Variants in DSC1 observed in about 807,000 individuals in gnomAD.
DSC1 encodes desmocollin-1.
In DSC1, 79 loss-of-function variants were observed where a neutral mutation model predicts 98.8. That is an observed-to-expected ratio of 0.80 (90% confidence interval 0.67 to 0.96). DSC1 has a LOEUF of 0.96. DSC1 is among the 50% of genes least tolerant of loss of function. The probability of loss-of-function intolerance (pLI) is 0.00; values close to 1 mark genes in which losing one functional copy is unlikely to be tolerated. For missense variants in DSC1, 1,115 were observed against 1,075.9 expected (o/e 1.04, Z -0.51); for synonymous variants, 405 against 372.1 (o/e 1.09, Z -1.02).
intron 7 of DSC1, among the ~76,000 whole-genome samples, chr18:31,144,563 A>T (rs1370842768): frequency 6.6e-6 from 1 of 152,234 alleles, no homozygotes; most frequent in Non-Finnish European, 1.5e-5. Context: ...GGCAAAATAT[A>T]GAGACAGTAA....
chr18:31,133,859 A>G, intron 13 of DSC1, 32 bp downstream of exon 13: 1 of 1,561,898 alleles, frequency 6.4e-7, no homozygotes, highest in Middle Eastern at 1.7e-4. Flanking sequence ...TTTAGCTAAC[A>G]CATTCTAGAT....
chr18:31,162,232 C>T (rs2143940732), intron 1 of DSC1, among the ~76,000 whole-genome samples: 1 of 152,186 alleles, frequency 6.6e-6, no homozygotes, highest in East Asian at 1.9e-4. Context: ...GGGCCAAATG[C>T]CTAAAGAATG....
Position 31,146,120 on chromosome 18 carries a change from A to G in DSC1, c.773-343T>C, listed in dbSNP as rs189703589. On this transcript the variant is annotated intron_variant, in intron 6 of 15. Coordinates refer to ENST00000257198, the MANE Select transcript of DSC1 (RefSeq NM_024421.2). ...TTTAATTTTAGATTTGGGGGTACACATGCGGGTTTGTTACAGGGGTATATT... is the reference window on the plus strand; with the variant it reads ...TTTAATTTTAGATTTGGGGGTACACGTGCGGGTTTGTTACAGGGGTATATT... Among the ~76,000 whole-genome samples, 10 of 152,262 alleles carry G rather than the reference A, an allele frequency of 6.6e-5. No individual in the cohort carries two copies. The East Asian group carries it at 1.7e-3, about 26-fold the overall frequency.
rs77266561 is a variant in DSC1, at chr18:31,161,606, G to A, written c.63+926C>T. 7.8e-3 allele frequency among the ~76,000 whole-genome samples: 1,183 copies of A among 152,172 alleles called. 15 individuals are homozygous for A. Among genetic ancestry groups the A allele is most frequent in the African/African-American group, 0.027 (1,128 of 41,496 alleles). Reference sequence around the variant, plus strand: ...TTTCAGAGTCAGAAATAAATAAACAGGAGATGAATTGTCCAAGAGATATTA... The same window carrying A: ...TTTCAGAGTCAGAAATAAATAAACAAGAGATGAATTGTCCAAGAGATATTA... On this transcript the variant is annotated intron_variant, in intron 1 of 15. Coordinates refer to ENST00000257198, the MANE Select transcript of DSC1 (RefSeq NM_024421.2).
chr18:31,138,034 C>G (rs1403942391), intron 11 of DSC1, among the ~76,000 whole-genome samples: 1 of 148,354 alleles, frequency 6.7e-6, no homozygotes, highest in Non-Finnish European at 1.5e-5. Context: ...GAAACAAAAT[C>G]CATCATATCA....
Position 31,148,622 on chromosome 18 carries a change from A to G in DSC1, c.648T>C (p.Thr216=), listed in dbSNP as rs1240366326. The G allele has an allele frequency of 6.3e-7, 1 of 1,598,372 alleles. No homozygotes were observed. Among genetic ancestry groups the G allele is most frequent in the African/African-American group, 1.3e-5 (1 of 74,776 alleles). The change falls in exon 6 of 16, where the codon ACT becomes ACC. Residue 216 remains threonine, a synonymous_variant. Coordinates refer to ENST00000257198, the MANE Select transcript of DSC1 (RefSeq NM_024421.2). The part of the protein sequence containing the change: ...EQFALYGYAT[T]ADGYAPEYPL... ...GATATTCTGGTGCATAGCCATCTGC[A>G]GTTGTTGCATAGCCATATAACTGAA...
At chr18:31,132,414 T>C (rs1988514076) in intron 14 of DSC1, 154 bp downstream of exon 14, 1 of 1,040,926 alleles carries the variant, frequency 9.6e-7, no homozygotes, top group South Asian at 1.7e-5. Flanking sequence ...AATTGGGAGG[T>C]TTAAATGATT....
chr18:31,155,963 A>C, intron 4 of DSC1, 80 bp downstream of exon 4: 1 of 1,452,960 alleles, frequency 6.9e-7, no homozygotes, highest in South Asian at 1.3e-5. Flanking sequence ...CTCTGATTCA[A>C]TATGCTGTGC....
chr18:31,154,581 G>T (rs181080049), intron 5 of DSC1, among the ~76,000 whole-genome samples, 193 bp downstream of exon 5: 1 of 151,740 alleles, frequency 6.6e-6, no homozygotes, highest in Non-Finnish European at 1.5e-5. Context: ...TACCTCCCCC[G>T]CCACTTCCCT....
At chr18:31,140,657 C>G (rs1988715278) in intron 9 of DSC1, among the ~76,000 whole-genome samples, 1 of 152,144 alleles carries the variant, frequency 6.6e-6, no homozygotes, top group Non-Finnish European at 1.5e-5. Context: ...TAAATTGCCT[C>G]CAAACTAAGT....
rs142924004 is a variant in DSC1, at chr18:31,145,014, A to T, written c.939+597T>A. On this transcript the variant is annotated intron_variant, in intron 7 of 15. Transcript: ENST00000257198. ...GGGTGCAGTGGCGCGATCTCGGCTCACTGCAAGCTCCGCCTCCCGGGTTCA... is the reference window on the plus strand; with the variant it reads ...GGGTGCAGTGGCGCGATCTCGGCTCTCTGCAAGCTCCGCCTCCCGGGTTCA... 6.9e-3 allele frequency among the ~76,000 whole-genome samples: 964 copies of T among 139,808 alleles called. 10 individuals are homozygous for T. Among genetic ancestry groups the T allele is most frequent in the African/African-American group, 0.024 (902 of 37,132 alleles). The allele number at this position is 139,808 out of a possible 152,430, so 91.7% of individuals were successfully genotyped here.
At chr18:31,136,612 G>T (rs73421636) in intron 11 of DSC1, among the ~76,000 whole-genome samples, 2 of 152,110 alleles carry the variant, frequency 1.3e-5, no homozygotes, top group Non-Finnish European at 2.9e-5. Context: ...GCTTCCCTGG[G>T]CCACACTGAA....
intron 6 of DSC1, 115 bp from the exon 7 acceptor site, chr18:31,145,892 G>T: frequency 1.8e-6 from 2 of 1,088,858 alleles, no homozygotes; most frequent in Non-Finnish European, 2.6e-6. Context: ...AAGTAGATTA[G>T]TTCTACTGTT....
intron 7 of DSC1, among the ~76,000 whole-genome samples, chr18:31,144,205 T>C (rs561131098): frequency 6.6e-6 from 1 of 151,542 alleles, no homozygotes; most frequent in Non-Finnish European, 1.5e-5. Flanking sequence ...CCACTGTGCC[T>C]GGCCCAAATA....
chr18:31,160,089 T>C lies in DSC1; in HGVS notation c.64-560A>G, dbSNP rs73952861. Among the ~76,000 whole-genome samples, 820 of 152,268 alleles carry C rather than the reference T, an allele frequency of 5.4e-3. 6 individuals carry two copies. The highest frequency in any genetic ancestry group is 0.019 in the African/African-American group (782 of 41,566). On this transcript the variant is annotated intron_variant, in intron 1 of 15. Transcript: ENST00000257198. ...AAAATCTAAATGATCTCAAATCACA[T>C]GACTAATCTAAAAAGAAATATATGT...
At position 31,145,742 on chromosome 18, in the gene DSC1, C is replaced by T. The variant is rs1171041988; in HGVS notation, c.808G>A (p.Asp270Asn). The part of the protein sequence containing the change: ...SVGKVTATDL[D>N]EPDTLHTRLK... ...CGAGTATGGAGAGTGTCAGGTTCGT[C>T]AAGGTCTGTGGCGGTCACTTTTCCC... The change falls in exon 7 of 16, where the codon GAC (aspartate) becomes AAC (asparagine). Residue 270 changes from aspartate (D) to asparagine (N), a missense_variant. By Grantham distance (23) the Asp-to-Asn change is conservative. Transcript: ENST00000257198. 1.9e-6 allele frequency: 3 copies of T among 1,614,004 alleles called. No homozygotes were observed. The highest frequency in any genetic ancestry group is 2.7e-5 in the African/African-American group (2 of 74,904).
At chr18:31,142,532 T>C (rs1988759069) in intron 8 of DSC1, among the ~76,000 whole-genome samples, 1 of 152,156 alleles carries the variant, frequency 6.6e-6, no homozygotes, top group Non-Finnish European at 1.5e-5. Flanking sequence ...AATAAATGTC[T>C]TATGTTAATA....
At chr18:31,156,237 T>C (rs1989095936) in intron 3 of DSC1, 75 bp from the exon 4 acceptor site, 1 of 1,551,206 alleles carries the variant, frequency 6.4e-7, no homozygotes, top group Non-Finnish European at 8.7e-7. Context: ...TACACATACA[T>C]CAACAAGCAG....
intron 5 of DSC1, among the ~76,000 whole-genome samples, chr18:31,152,539 G>A (rs574568621): frequency 4.0e-4 from 61 of 152,262 alleles, no homozygotes; most frequent in African/African-American, 1.5e-3. Context: ...TCTAGAACAC[G>A]TGTATTGTTA....
Sources: allele counts gnomAD v4.1 joint callset (sites outside exome capture counted in the v4.1 genomes callset), GRCh38; gene constraint gnomAD v4.1.1; transcripts MANE v1.5; gene names NCBI Gene and HGNC (gene_info 2026-07-23, HGNC 2026-07-21).